The following GRIA1 variants were observed in gnomAD, a reference collection of about 807,000 sequenced individuals.
The protein encoded by GRIA1 is glutamate ionotropic receptor AMPA type subunit 1.
GRIA1 carries 31 observed loss-of-function variants against 99.2 expected under a neutral mutation model. That is an observed-to-expected ratio of 0.31 (90% CI 0.23 to 0.42). The LOEUF (loss-of-function observed/expected upper bound fraction) is 0.42. Ranked by LOEUF, GRIA1 falls within the 10% of genes least tolerant of loss-of-function variation. The pLI, the probability that GRIA1 is intolerant of heterozygous loss-of-function variation, is 1.00. For synonymous variants in GRIA1, 438 were observed against 432.4 expected, an observed-to-expected ratio of 1.01 and a Z score of -0.16; for missense variants, 782 against 1,157.5, an observed-to-expected ratio of 0.68 and a Z score of 4.71.
chr5:153,600,123 G>C (rs964260165), intron 2 of GRIA1, among the ~76,000 whole-genome samples: 6 of 152,236 alleles, frequency 3.9e-5, no homozygotes, highest in Admixed American at 2.0e-4. Context: ...CCGGCGCGGT[G>C]GCTCACGCTT....
intron 2 of GRIA1, among the ~76,000 whole-genome samples, chr5:153,514,996 T>C (rs1221417540): frequency 6.6e-6 from 1 of 152,214 alleles, no homozygotes; most frequent in Non-Finnish European, 1.5e-5. Context: ...GAAACCCTTG[T>C]ATACTGTTGG....
intron 2 of GRIA1, among the ~76,000 whole-genome samples, chr5:153,517,480 C>G (rs895207154): frequency 6.6e-6 from 1 of 152,118 alleles, no homozygotes; most frequent in Non-Finnish European, 1.5e-5. Flanking sequence ...GTCCCCTGGG[C>G]CCTCAGAAAG....
intron 2 of GRIA1, among the ~76,000 whole-genome samples, chr5:153,518,696 G>C (rs1307177910): frequency 6.6e-6 from 1 of 152,260 alleles, no homozygotes; most frequent in Non-Finnish European, 1.5e-5. Flanking sequence ...CAAATATTAT[G>C]CAAGTATTTT....
At chr5:153,702,855 C>T (rs1758626414) in intron 10 of GRIA1, among the ~76,000 whole-genome samples, 2 of 152,190 alleles carry the variant, frequency 1.3e-5, no homozygotes, top group Non-Finnish European at 2.9e-5. Flanking sequence ...ATTATCTTGA[C>T]CCTCACAAAA....
At chr5:153,744,169 A>G (rs6890276) in intron 11 of GRIA1, among the ~76,000 whole-genome samples, 90,044 of 152,024 alleles carry the variant, frequency 0.59, 27,388 homozygotes, top group East Asian at 0.94. Flanking sequence ...CCCCTGAGAA[A>G]AAGGGGGAGA....
At chr5:153,676,254 G>A (rs1756578219) in intron 6 of GRIA1, among the ~76,000 whole-genome samples, 1 of 152,114 alleles carries the variant, frequency 6.6e-6, no homozygotes, top group Admixed American at 6.5e-5. Context: ...TGTGAACTTG[G>A]AGTGTGCTAG....
intron 1 of GRIA1, 118 bp downstream of exon 1, chr5:153,491,088 G>C (rs543429678): frequency 2.7e-6 from 3 of 1,114,138 alleles, no homozygotes; most frequent in Middle Eastern, 3.0e-4. Context: ...CCCTAAAGCT[G>C]TGCTGCGGTA....
chr5:153,583,690 C>T (rs1036397550), intron 2 of GRIA1, among the ~76,000 whole-genome samples: 1 of 152,106 alleles, frequency 6.6e-6, no homozygotes, highest in African/African-American at 2.4e-5. Flanking sequence ...ACTTTGTTTT[C>T]AGGAGATACC....
chr5:153,592,212 T>C (rs1764033465), intron 2 of GRIA1, among the ~76,000 whole-genome samples: 1 of 152,384 alleles, frequency 6.6e-6, no homozygotes, highest in African/African-American at 2.4e-5. Context: ...CCATGGCCTG[T>C]TGTTTTTCAG....
At chr5:153,794,852 TAATGTC>T in intron 14 of GRIA1, 117 bp downstream of exon 14, 1 of 653,284 alleles carries the variant, frequency 1.5e-6, no homozygotes, top group Admixed American at 2.9e-5. Context: ...AAAGATAAAT[TAATGTC>T]AAAGGGAAGC....
intron 2 of GRIA1, among the ~76,000 whole-genome samples, chr5:153,519,027 G>A (rs755601421): frequency 1.3e-5 from 2 of 152,146 alleles, no homozygotes; most frequent in Non-Finnish European, 2.9e-5. Flanking sequence ...CACTTTGGGA[G>A]GCCGAGGTGG....
chr5:153,679,523 A>T lies in GRIA1; in HGVS notation c.1029+2362A>T, dbSNP rs556452690. ...AGTGGCGGAGGCTGGACCAGATCCC[A>T]GTCCAGGGCTCCTCTTCCCCCAGTT... is the stretch of plus-strand genomic sequence containing the variant. On this transcript the variant is annotated intron_variant, in intron 7 of 15. Transcript: ENST00000285900. Among the ~76,000 whole-genome samples the T allele has an allele frequency of 2.7e-3, 405 of 152,356 alleles. 1 individual carries two copies. The highest frequency in any genetic ancestry group is 4.2e-3 in the Non-Finnish European group (285 of 68,030).
chr5:153,631,917 G>A (rs1311491194), intron 2 of GRIA1, among the ~76,000 whole-genome samples: 2 of 152,128 alleles, frequency 1.3e-5, no homozygotes, highest in East Asian at 1.9e-4. Context: ...AGTGAGAACC[G>A]CATCGGGGGA....
chr5:153,516,170 A>G (rs2113343550), intron 2 of GRIA1, among the ~76,000 whole-genome samples: 1 of 152,298 alleles, frequency 6.6e-6, no homozygotes, highest in South Asian at 2.1e-4. Context: ...CAGTGAGCCA[A>G]GATCACACCA....
At chr5:153,534,903 T>TTTTTG (rs3064336) in intron 2 of GRIA1, among the ~76,000 whole-genome samples, 38 of 150,608 alleles carry the variant, frequency 2.5e-4, no homozygotes, top group Admixed American at 7.3e-4. Context: ...CACAGGCCTT[T>TTTTTG]TTTTGTTTTG....
intron 11 of GRIA1, among the ~76,000 whole-genome samples, chr5:153,714,381 C>T (rs922754454): frequency 6.6e-6 from 1 of 152,188 alleles, no homozygotes; most frequent in Non-Finnish European, 1.5e-5. Context: ...TCCTTTTCCC[C>T]TCCATTTTTG....
intron 2 of GRIA1, among the ~76,000 whole-genome samples, chr5:153,616,003 G>A (rs997017464): frequency 2.0e-5 from 3 of 152,078 alleles, no homozygotes; most frequent in African/African-American, 4.8e-5. Context: ...CAGAGGATGG[G>A]AGTGGCTACA....
chr5:153,665,854 C>T (rs915830236), intron 5 of GRIA1, among the ~76,000 whole-genome samples: 2 of 152,142 alleles, frequency 1.3e-5, no homozygotes, highest in Non-Finnish European at 2.9e-5. Flanking sequence ...TCTGCCTTTT[C>T]CCTAACCTAA....
chr5:153,720,193 C>T (rs928521600), intron 11 of GRIA1, among the ~76,000 whole-genome samples: 4 of 152,130 alleles, frequency 2.6e-5, no homozygotes, highest in East Asian at 1.9e-4. Flanking sequence ...AAGTTAGCAT[C>T]GAGCATTTTA....
Sources: allele counts gnomAD v4.1 joint callset (sites outside exome capture counted in the v4.1 genomes callset), GRCh38; gene constraint gnomAD v4.1.1; transcripts MANE v1.5; gene names NCBI Gene and HGNC (gene_info 2026-07-23, HGNC 2026-07-21).